Variants in PANK2 observed in about 807,000 individuals in gnomAD.
The protein encoded by PANK2 is pantothenate kinase 2, mitochondrial.
PANK2 carries 36 observed loss-of-function variants against 43.1 expected under a neutral mutation model. The ratio of observed to expected loss-of-function variants is 0.84; its 90% CI spans 0.64 to 1.10. The LOEUF (loss-of-function observed/expected upper bound fraction) is 1.10. Ranked by LOEUF, PANK2 falls within the 50% of genes least tolerant of loss-of-function variation. The pLI is 0.00. For synonymous variants in PANK2, 281 were observed against 238.2 expected (o/e 1.18, Z -1.66); for missense variants, 576 against 593.3 (o/e 0.97, Z 0.30).
chr20:3,907,841 C>G lies in PANK2; in HGVS notation c.299-85C>G. On this transcript the variant is annotated intron_variant, in intron 1 of 6. Coordinates refer to ENST00000610179, the MANE Select transcript of PANK2 (RefSeq NM_001386393.1). ...GAATTATGTTCTTTGGAAACCCTAG[C>G]GTTTGAAATAAGTTGCTACTGTGGT... 4 of 1,151,778 alleles carry G rather than the reference C, an allele frequency of 3.5e-6. No homozygotes were observed. In the South Asian group the frequency reaches 5.3e-5, roughly 15 times the overall value. The allele number at this position is 1,151,778 out of a possible 1,614,324, so 71.3% of individuals were successfully genotyped here.
At position 3,923,132 on chromosome 20, in the gene PANK2, A is replaced by C. The variant is rs2090672736; in HGVS notation, c.1333-112A>C. On this transcript the variant is annotated intron_variant, in intron 6 of 6. Transcript: ENST00000610179. ...TTGGCCCTTCTGGGGTGCTCAGGAA[A>C]TGGGTATGCTGTGTGTGGGCAGTGG... is the stretch of plus-strand genomic sequence containing the variant. 4.0e-6 allele frequency: 5 copies of C among 1,247,980 alleles called. No individual in the cohort carries two copies. In the Admixed American group the frequency reaches 8.4e-5, roughly 21 times the overall value. The allele number at this position is 1,247,980 out of a possible 1,614,324, so 77.3% of individuals were successfully genotyped here.
intron 1 of PANK2, among the ~76,000 whole-genome samples, chr20:3,904,717 C>G (rs1470453768): frequency 6.6e-6 from 1 of 152,098 alleles, no homozygotes; most frequent in Non-Finnish European, 1.5e-5. Context: ...TTTGATTTTT[C>G]TCTATGGTAG....
At chr20:3,899,430 C>G (rs1012801165) in intron 1 of PANK2, among the ~76,000 whole-genome samples, 2 of 151,808 alleles carry the variant, frequency 1.3e-5, no homozygotes, top group African/African-American at 4.8e-5. Context: ...CTTGGCCTCC[C>G]AGAGTGCTGG....
At chr20:3,922,997 G>A (rs1057235207) in intron 6 of PANK2, among the ~76,000 whole-genome samples, 2 of 152,142 alleles carry the variant, frequency 1.3e-5, no homozygotes, top group Non-Finnish European at 2.9e-5. Context: ...CCTCACTGCG[G>A]GTTTGGTTTT....
intron 1 of PANK2, among the ~76,000 whole-genome samples, chr20:3,894,395 C>T (rs1449873613): frequency 3.3e-5 from 5 of 151,168 alleles, no homozygotes; most frequent in Non-Finnish European, 7.4e-5. Flanking sequence ...CATGCGCTAC[C>T]ACGCCTGGCT....
In PANK2 at chr20:3,929,336, C is replaced by G. The variant is rs2090784667; in HGVS notation, c.*6042C>G. The G allele has an allele frequency of 6.6e-6, 1 of 152,266 alleles. No homozygotes were observed. Among genetic ancestry groups the G allele is most frequent in the Non-Finnish European group, 1.5e-5 (1 of 68,116 alleles). The allele number at this position is 152,266 out of a possible 1,614,324, so 9.4% of individuals were successfully genotyped here. ...ATCACTTGAGTCCAGGAAGTTGAGGCTGCAGTGAGCTACAATGGTGCCACT... is the reference window on the plus strand; with the variant it reads ...ATCACTTGAGTCCAGGAAGTTGAGGGTGCAGTGAGCTACAATGGTGCCACT... On this transcript the variant is annotated 3_prime_UTR_variant, in exon 7 of 7. Coordinates refer to ENST00000610179, the MANE Select transcript of PANK2 (RefSeq NM_001386393.1).
intron 1 of PANK2, among the ~76,000 whole-genome samples, chr20:3,898,284 C>G (rs1206205816): frequency 6.6e-6 from 1 of 152,066 alleles, no homozygotes; most frequent in Admixed American, 6.6e-5. Context: ...ACTGCAGTCT[C>G]TGCCTCCCGG....
At chr20:3,907,839 A>G (rs1404928082) in intron 1 of PANK2, 87 bp from the exon 2 acceptor site, 5 of 1,132,684 alleles carry the variant, frequency 4.4e-6, no homozygotes, top group African/African-American at 1.5e-5. Flanking sequence ...TGGAAACCCT[A>G]GCGTTTGAAA....
At chr20:3,889,203 CCCT>C, upstream of PANK2, 1 of 1,612,610 alleles carries the variant, frequency 6.2e-7, no homozygotes, top group Non-Finnish European at 8.5e-7. Flanking sequence ...AACCCGGATC[CCCT>C]CCTCCACCAC....
intron 1 of PANK2, 31 bp from the exon 2 acceptor site, chr20:3,907,895 C>G (rs776190663): frequency 1.3e-6 from 2 of 1,584,366 alleles, no homozygotes; most frequent in Non-Finnish European, 1.7e-6. Flanking sequence ...CAGAAAAAAG[C>G]TGTTCTGACT....
At chr20:3,923,207 G>T in intron 6 of PANK2, 37 bp from the exon 7 acceptor site, 1 of 1,609,648 alleles carries the variant, frequency 6.2e-7, no homozygotes, top group Non-Finnish European at 8.5e-7. Flanking sequence ...ATAAGTCTAA[G>T]GAAAATTGCA....
At chr20:3,901,504 G>A (rs901559465) in intron 1 of PANK2, 9 of 586,568 alleles carry the variant, frequency 1.5e-5, no homozygotes, top group South Asian at 7.7e-5. Flanking sequence ...ATATTCTTGT[G>A]TAGAATTAAT....
At chr20:3,889,958 G>A (rs1012339659) in intron 1 of PANK2, 1 of 1,519,184 alleles carries the variant, frequency 6.6e-7, no homozygotes, top group Non-Finnish European at 8.8e-7. Flanking sequence ...TTGTTGGAGT[G>A]GAGGGCTTTT....
At position 3,895,809 on chromosome 20, in the gene PANK2, T is replaced by A. The variant is rs555294749; in HGVS notation, c.298+6081T>A. 2.6e-5 allele frequency among the ~76,000 whole-genome samples: 4 copies of A among 152,334 alleles called. No homozygotes were observed. In the East Asian group the frequency reaches 7.7e-4, roughly 29 times the overall value. ...TTACATTTTGTGTGTTTATATTTCC[T>A]GAATGTAGAATTTGTTGTTGAATTT... On this transcript the variant is annotated intron_variant, in intron 1 of 6. Coordinates refer to ENST00000610179, the MANE Select transcript of PANK2 (RefSeq NM_001386393.1).
chr20:3,895,451 C>T (rs1464745191), intron 1 of PANK2, among the ~76,000 whole-genome samples: 5 of 147,970 alleles, frequency 3.4e-5, no homozygotes, highest in Admixed American at 1.4e-4. Context: ...CCACTGCACT[C>T]GAGCCTGGGC....
chr20:3,918,992 C>T (rs1411023587), intron 6 of PANK2, among the ~76,000 whole-genome samples, 196 bp downstream of exon 6: 1 of 152,134 alleles, frequency 6.6e-6, no homozygotes, highest in Admixed American at 6.5e-5. Context: ...CTGCAGCCTC[C>T]GCCTCCTGGG....
At chr20:3,891,873 T>G (rs1252457818) in intron 1 of PANK2, among the ~76,000 whole-genome samples, 1 of 152,248 alleles carries the variant, frequency 6.6e-6, no homozygotes, top group African/African-American at 2.4e-5. Flanking sequence ...AGGATTTATA[T>G]TTTGTTTTGA....
chr20:3,927,419 T>C lies in PANK2; in HGVS notation c.*4125T>C, dbSNP rs964298447. 3 of 152,200 alleles carry C rather than the reference T, an allele frequency of 2.0e-5. No homozygotes were observed. Among genetic ancestry groups the C allele is most frequent in the African/African-American group, 4.8e-5 (2 of 41,450 alleles). 9.4% of individuals were successfully genotyped at this position (152,200 alleles called of 1,614,324 possible). On this transcript the variant is annotated 3_prime_UTR_variant, in exon 7 of 7. Coordinates refer to ENST00000610179, the MANE Select transcript of PANK2 (RefSeq NM_001386393.1). ...AAAATTTTAAAATAGCAATTAAATA[T>C]ACAAAAATATAGCTTACAAAAAACT... is the stretch of plus-strand genomic sequence containing the variant.
chr20:3,892,623 C>T (rs112314470), intron 1 of PANK2, among the ~76,000 whole-genome samples: 2 of 131,752 alleles, frequency 1.5e-5, no homozygotes, highest in African/African-American at 2.8e-5. Context: ...TTGCAGTGAT[C>T]GAAGATCGCG....
Sources: gnomAD v4.1 joint callset for allele counts (sites outside exome capture counted in the v4.1 genomes callset) on GRCh38, gnomAD v4.1.1 for gene constraint, MANE v1.5 for transcripts, NCBI Gene and HGNC (gene_info 2026-07-23, HGNC 2026-07-21) for gene names.